Variants in PDE1A observed in about 807,000 individuals in gnomAD.
The protein encoded by PDE1A is dual specificity calcium/calmodulin-dependent 3',5'-cyclic nucleotide phosphodiesterase 1A.
A neutral mutation model predicts 61.7 loss-of-function variants in PDE1A; 35 were observed. That is an observed-to-expected ratio of 0.57 (90% confidence interval 0.43 to 0.75). PDE1A has a LOEUF of 0.75. Among genes scored for constraint, PDE1A ranks in the 30% least tolerant of loss-of-function variants. PDE1A has a pLI of 0.00. For synonymous variants in PDE1A, 232 were observed against 213.2 expected (o/e 1.09, Z -0.77); for missense variants, 597 against 630.6 (o/e 0.95, Z 0.57).
rs1214532192 is a variant in PDE1A at position 182,183,014 on chromosome 2, C to A, written c.1516+2878G>T. ...ATTTAGAATTCAGCATTAGGGACAC[C>A]CCTAGTTTCTATATAGTAGCCCTAT... On this transcript the variant is annotated intron_variant, in intron 13 of 13. Transcript: ENST00000351439. Among the ~76,000 whole-genome samples the A allele has an allele frequency of 1.1e-4, 17 of 151,892 alleles. 2 individuals are homozygous for A. The highest frequency in any genetic ancestry group is 9.9e-4 in the Admixed American group (15 of 15,226).
chr2:182,219,552 C>G (rs558098921), intron 7 of PDE1A, among the ~76,000 whole-genome samples: 1 of 152,020 alleles, frequency 6.6e-6, no homozygotes, highest in Non-Finnish European at 1.5e-5. Flanking sequence ...AAAAGAAAGT[C>G]AAGTTAAAAC....
chr2:182,606,629 C>T, the PDE1A span, among the ~76,000 whole-genome samples: 2 of 151,962 alleles, frequency 1.3e-5, no homozygotes, highest in East Asian at 1.9e-4. Context: ...AAAAAGAAGA[C>T]AGGAAATAAA....
the PDE1A span, among the ~76,000 whole-genome samples, chr2:182,617,836 A>C: frequency 4.9e-4 from 75 of 152,268 alleles, no homozygotes; most frequent in African/African-American, 1.8e-3. Flanking sequence ...TTGCCCCCAG[A>C]AACCTCCACA....
At chr2:182,373,613 T>C (rs192430803) in intron 1 of PDE1A, among the ~76,000 whole-genome samples, 32 of 152,260 alleles carry the variant, frequency 2.1e-4, no homozygotes, top group African/African-American at 7.5e-4. Context: ...AAATTTCTCA[T>C]AGAAAAAGTC....
At chr2:182,429,608 A>T (rs572257115), upstream of PDE1A, among the ~76,000 whole-genome samples, 1 of 152,216 alleles carries the variant, frequency 6.6e-6, no homozygotes, top group Admixed American at 6.6e-5. Context: ...TAAATATGTT[A>T]ATTTTCTAAA....
chr2:182,390,211 G>A (rs1701343391), intron 1 of PDE1A, among the ~76,000 whole-genome samples: 1 of 151,484 alleles, frequency 6.6e-6, no homozygotes, highest in Non-Finnish European at 1.5e-5. Context: ...GGTTCTAGAG[G>A]AACTGAATTT....
At chr2:182,678,978 A>T in the PDE1A span, among the ~76,000 whole-genome samples, 1 of 149,040 alleles carries the variant, frequency 6.7e-6, no homozygotes, top group Non-Finnish European at 1.5e-5. Flanking sequence ...GATGATGGAT[A>T]TGCTAATTAT....
Position 182,284,442 on chromosome 2 carries a change from C to G in PDE1A, c.54-20028G>C, listed in dbSNP as rs527461599. Among the ~76,000 whole-genome samples the G allele has an allele frequency of 5.3e-5, 8 of 152,164 alleles. No individual in the cohort carries two copies. In the South Asian group the frequency reaches 1.5e-3, roughly 28 times the overall value. On this transcript the variant is annotated intron_variant, in intron 1 of 13. Coordinates refer to ENST00000351439, the Ensembl canonical transcript of PDE1A. ...AACATAAAATTAAATTGAGCAAACT[C>G]ACAAATTTGGAGAAGCATTGGCTAA...
chr2:182,472,551 T>C lies in PDE1A; in HGVS notation c.101+49725A>G, dbSNP rs550425465. Among the ~76,000 whole-genome samples, 8 of 151,852 alleles carry C rather than the reference T, an allele frequency of 5.3e-5. No homozygotes were observed. In the East Asian group the frequency reaches 1.6e-3, roughly 30 times the overall value. ...TGTGGAATGGTGGACAATGAAGACT[T>C]GAAAGGGTATGAGGGATGAGGAGGG... On this transcript the variant is annotated intron_variant, in intron 2 of 14. Coordinates refer to the PDE1A transcript ENST00000410103.
chr2:182,229,003 TG>T (rs1442911352), intron 6 of PDE1A, among the ~76,000 whole-genome samples: 2 of 152,178 alleles, frequency 1.3e-5, no homozygotes, highest in East Asian at 3.8e-4. Context: ...ACAGAGAAGT[TG>T]GAACGGCTTA....
chr2:182,201,157 C>A (rs533513305), intron 10 of PDE1A, among the ~76,000 whole-genome samples: 1 of 152,130 alleles, frequency 6.6e-6, no homozygotes, highest in Non-Finnish European at 1.5e-5. Flanking sequence ...GTGGCACTTA[C>A]GTCTTAACAG....
the PDE1A span, among the ~76,000 whole-genome samples, chr2:182,622,733 A>T: frequency 5.3e-5 from 8 of 152,272 alleles, no homozygotes; most frequent in South Asian, 1.2e-3. Flanking sequence ...GCTAGATTTG[A>T]TAGTAGCCAA....
chr2:182,578,539 T>C, the PDE1A span, among the ~76,000 whole-genome samples: 1 of 152,216 alleles, frequency 6.6e-6, no homozygotes, highest in African/African-American at 2.4e-5. Context: ...AACAGATTCA[T>C]TTTTTCATAA....
At chr2:182,555,891 C>T in the PDE1A span, among the ~76,000 whole-genome samples, 3 of 144,520 alleles carry the variant, frequency 2.1e-5, no homozygotes, top group East Asian at 2.0e-4. Flanking sequence ...CGCTTGGACC[C>T]GGGAGGCAGA....
At chr2:182,613,523 A>G in the PDE1A span, among the ~76,000 whole-genome samples, 1 of 151,668 alleles carries the variant, frequency 6.6e-6, no homozygotes, top group Admixed American at 6.6e-5. Flanking sequence ...AGATTGCTCC[A>G]CTGTACTCCA....
At chr2:182,147,577 G>A (rs1040053640) in intron 13 of PDE1A, among the ~76,000 whole-genome samples, 3 of 152,156 alleles carry the variant, frequency 2.0e-5, no homozygotes, top group African/African-American at 7.2e-5. Context: ...AAGGATAGTA[G>A]TGTTTAAGAT....
the PDE1A span, among the ~76,000 whole-genome samples, chr2:182,689,901 C>G: frequency 3.3e-5 from 5 of 152,168 alleles, no homozygotes; most frequent in African/African-American, 1.2e-4. Flanking sequence ...ACTATAAACA[C>G]CTCTATGCAA....
the PDE1A span, among the ~76,000 whole-genome samples, chr2:182,680,214 A>AC: frequency 6.7e-6 from 1 of 149,024 alleles, no homozygotes; most frequent in Non-Finnish European, 1.5e-5. Flanking sequence ...TTTATCAGCG[A>AC]CTTTTTTTTT....
At chr2:182,478,767 T>G (rs1687526501) in intron 2 of PDE1A, among the ~76,000 whole-genome samples, 1 of 151,850 alleles carries the variant, frequency 6.6e-6, no homozygotes, top group Non-Finnish European at 1.5e-5. Context: ...TCTATATAAC[T>G]TTTCATGCCC....
Sources: gnomAD v4.1 joint callset for allele counts (sites outside exome capture counted in the v4.1 genomes callset) on GRCh38, gnomAD v4.1.1 for gene constraint, MANE v1.5 for transcripts, NCBI Gene and HGNC (gene_info 2026-07-23, HGNC 2026-07-21) for gene names.